PDE7A: variants seen among roughly 807,000 people sequenced by gnomAD.
PDE7A encodes the protein phosphodiesterase 7A.
A neutral mutation model predicts 64.3 loss-of-function variants in PDE7A; 39 were observed. The observed-to-expected ratio is 0.61, with a 90% confidence interval of 0.47 to 0.79. The LOEUF (loss-of-function observed/expected upper bound fraction) is 0.79, where lower values mean the gene tolerates loss of function less well. Among genes scored for constraint, PDE7A ranks in the 30% least tolerant of loss-of-function variants. The pLI, the probability that PDE7A is intolerant of heterozygous loss-of-function variation, is 0.00. For synonymous variants in PDE7A, 203 were observed against 206.8 expected (o/e 0.98, Z 0.16); for missense variants, 470 against 582.8 (o/e 0.81, Z 1.99).
intron 3 of PDE7A, among the ~76,000 whole-genome samples, chr8:65,759,118 G>A (rs751672510): frequency 7.2e-5 from 11 of 152,278 alleles, no homozygotes; most frequent in Middle Eastern, 3.4e-3. Context: ...TGCATTTTAC[G>A]TCTTTTCCAA....
At chr8:65,768,604 G>C (rs1808918736) in intron 3 of PDE7A, among the ~76,000 whole-genome samples, 1 of 152,142 alleles carries the variant, frequency 6.6e-6, no homozygotes, top group African/African-American at 2.4e-5. Flanking sequence ...TTTATCAGCA[G>C]CGTAAAAACA....
chr8:65,754,615 C>CA, intron 3 of PDE7A, among the ~76,000 whole-genome samples: 1 of 150,014 alleles, frequency 6.7e-6, no homozygotes, highest in East Asian at 2.1e-4. Context: ...GGATTACAGG[C>CA]TGAGCCACCA....
At chr8:65,767,119 T>A (rs973346116) in intron 3 of PDE7A, among the ~76,000 whole-genome samples, 49 of 152,294 alleles carry the variant, frequency 3.2e-4, no homozygotes, top group African/African-American at 9.4e-4. Context: ...AAGAATTAGA[T>A]CCTTTATTTG....
Position 65,821,385 on chromosome 8 carries a change from C to G in PDE7A, c.138+19986G>C, listed in dbSNP as rs73242933. On this transcript the variant is annotated intron_variant, in intron 1 of 12. Coordinates refer to ENST00000401827, the MANE Select transcript of PDE7A (RefSeq NM_001242318.3). The stretch of plus-strand genomic sequence containing the variant: ...AATTTAAGGTTAAAATTCCCTCCCC[C>G]CTAAACCAAGATACAGCCCAACCCA... Among the ~76,000 whole-genome samples, 892 of 146,114 alleles carry G rather than the reference C, an allele frequency of 6.1e-3. 8 individuals carry two copies. Among genetic ancestry groups the G allele is most frequent in the African/African-American group, 0.023 (842 of 37,206 alleles).
intron 9 of PDE7A, among the ~76,000 whole-genome samples, chr8:65,726,531 T>C (rs941009056): frequency 9.2e-5 from 14 of 152,160 alleles, no homozygotes; most frequent in Admixed American, 9.2e-4. Flanking sequence ...TTTACCTTTA[T>C]ACCTAGACCT....
At chr8:65,785,429 CT>C (rs1208242581) in intron 1 of PDE7A, among the ~76,000 whole-genome samples, 1 of 152,184 alleles carries the variant, frequency 6.6e-6, no homozygotes. Flanking sequence ...GACTACACTT[CT>C]GGCATCATGC....
intron 1 of PDE7A, among the ~76,000 whole-genome samples, chr8:65,827,629 T>C (rs1379169955): frequency 6.6e-6 from 1 of 152,198 alleles, no homozygotes; most frequent in Admixed American, 6.5e-5. Flanking sequence ...TGTATAACAG[T>C]GGACCCATAA....
intron 4 of PDE7A, among the ~76,000 whole-genome samples, chr8:65,747,061 T>A (rs1807704739): frequency 6.6e-6 from 1 of 152,180 alleles, no homozygotes; most frequent in African/African-American, 2.4e-5. Flanking sequence ...AAAGAGGAAG[T>A]AAATAATGCT....
Position 65,841,571 on chromosome 8 carries a change from G to T in PDE7A, c.-63C>A. On this transcript the variant is annotated 5_prime_UTR_variant, in exon 1 of 13. Coordinates refer to ENST00000401827, the MANE Select transcript of PDE7A (RefSeq NM_001242318.3). ...TGCCGCGGCCGCCGGCCCCTGCAGT[G>T]GGAGGGGGCCGCGGCTCGGGGGCTC... 1 of 1,059,728 alleles carries T rather than the reference G, an allele frequency of 9.4e-7. No homozygotes were observed. The allele number at this position is 1,059,728 out of a possible 1,614,324, so 65.6% of individuals were successfully genotyped here.
At chr8:65,804,477 C>A (rs1029880806) in intron 1 of PDE7A, among the ~76,000 whole-genome samples, 2 of 150,826 alleles carry the variant, frequency 1.3e-5, no homozygotes, top group East Asian at 1.9e-4. Flanking sequence ...TCAAGATTTA[C>A]TGGAGAAGCT....
Position 65,717,511 on chromosome 8 carries a change from A to C in PDE7A, c.*1779T>G, listed in dbSNP as rs181046793. 2.6e-4 allele frequency: 40 copies of C among 152,356 alleles called. No individual in the cohort carries two copies. Among genetic ancestry groups the C allele is most frequent in the East Asian group, 1.2e-3 (6 of 5,184 alleles). The allele number at this position is 152,356 out of a possible 1,614,324, so 9.4% of individuals were successfully genotyped here. On this transcript the variant is annotated 3_prime_UTR_variant, in exon 13 of 13. Transcript: ENST00000401827. Reference sequence around the variant, plus strand: ...GTTAGTCAGGACTCCAACAGCCCTAACTGGGCTTCTGCTTACTCACTTGCA... The same window carrying C: ...GTTAGTCAGGACTCCAACAGCCCTACCTGGGCTTCTGCTTACTCACTTGCA...
chr8:65,834,595 A>T (rs769933539), intron 1 of PDE7A, among the ~76,000 whole-genome samples: 2 of 152,206 alleles, frequency 1.3e-5, no homozygotes, highest in African/African-American at 2.4e-5. Context: ...GTTCTACTCA[A>T]AATTCTGATA....
chr8:65,840,398 G>GCACACACACACA (rs746987926), intron 1 of PDE7A, among the ~76,000 whole-genome samples: 3 of 109,664 alleles, frequency 2.7e-5, no homozygotes, highest in African/African-American at 1.5e-4. Flanking sequence ...CACACTACCT[G>GCACACACACACA]CACACACACA....
chr8:65,774,652 T>A (rs1305000199), intron 3 of PDE7A, among the ~76,000 whole-genome samples: 1 of 151,472 alleles, frequency 6.6e-6, no homozygotes, highest in Non-Finnish European at 1.5e-5. Context: ...TTAGTTAATT[T>A]AAAAATATAT....
chr8:65,725,128 T>A (rs1168063737), intron 9 of PDE7A, among the ~76,000 whole-genome samples: 1 of 152,112 alleles, frequency 6.6e-6, no homozygotes, highest in Non-Finnish European at 1.5e-5. Flanking sequence ...AACCAAGAGT[T>A]TGTAGGAAAA....
chr8:65,770,138 T>C (rs916772737), intron 3 of PDE7A, among the ~76,000 whole-genome samples: 1 of 144,616 alleles, frequency 6.9e-6, no homozygotes, highest in Non-Finnish European at 1.5e-5. Flanking sequence ...TGTGTGTGTG[T>C]GTGTGTGTGT....
intron 1 of PDE7A, among the ~76,000 whole-genome samples, chr8:65,798,677 C>T (rs1416040020): frequency 1.3e-5 from 2 of 152,154 alleles, no homozygotes; most frequent in Non-Finnish European, 2.9e-5. Context: ...CTACAAGATA[C>T]TATTAACCAC....
chr8:65,740,479 C>A (rs1250663249), intron 5 of PDE7A, among the ~76,000 whole-genome samples: 3 of 152,110 alleles, frequency 2.0e-5, no homozygotes, highest in Non-Finnish European at 2.9e-5. Context: ...TGGCTCACTG[C>A]AACCTCCACC....
intron 1 of PDE7A, among the ~76,000 whole-genome samples, chr8:65,814,229 C>CG (rs1225790151): frequency 5.3e-5 from 8 of 152,076 alleles, no homozygotes; most frequent in African/African-American, 1.9e-4. Context: ...AAAGGACTTT[C>CG]GGCCGGGCGC....
Sources: gnomAD v4.1 joint callset for allele counts (sites outside exome capture counted in the v4.1 genomes callset) on GRCh38, gnomAD v4.1.1 for gene constraint, MANE v1.5 for transcripts, NCBI Gene and HGNC (gene_info 2026-07-23, HGNC 2026-07-21) for gene names.